Variants in LIG1 observed in about 807,000 individuals in gnomAD.
LIG1 encodes DNA ligase 1.
LIG1 carries 70 observed loss-of-function variants against 115.7 expected under a neutral mutation model. That is an observed-to-expected ratio of 0.60 (90% CI 0.50 to 0.74). The LOEUF (loss-of-function observed/expected upper bound fraction) is 0.74, where lower values mean the gene tolerates loss of function less well. Ranked by LOEUF, LIG1 falls within the 30% of genes least tolerant of loss-of-function variation. The probability of loss-of-function intolerance (pLI) is 0.00; values close to 1 mark genes in which losing one functional copy is unlikely to be tolerated. For synonymous variants in LIG1, 487 were observed against 495.3 expected (o/e 0.98, Z 0.22); for missense variants, 1,115 against 1,225.6 (o/e 0.91, Z 1.35).
rs537021137 is a variant in LIG1 at position 48,137,358 on chromosome 19, C to T, written c.1254+164G>A. Reference sequence around the variant, plus strand: ...GGTCTGCTAGACTCTGAAGAGGAGACTCCCCTAGGATTGGGTGCAGGAAGG... The same window carrying T: ...GGTCTGCTAGACTCTGAAGAGGAGATTCCCCTAGGATTGGGTGCAGGAAGG... On this transcript the variant is annotated intron_variant, in intron 13 of 27. Transcript: ENST00000263274. This position sits in a 1 kb window ranked among gnomAD's most constrained non-coding sequence, Gnocchi z 4.3. Among the ~76,000 whole-genome samples, 3 of 152,344 alleles carry T rather than the reference C, an allele frequency of 2.0e-5. No homozygotes were observed. The highest frequency in any genetic ancestry group is 4.1e-4 in the South Asian group (2 of 4,830).
chr19:48,152,141 G>A (rs1304418517), intron 6 of LIG1, among the ~76,000 whole-genome samples: 1 of 149,132 alleles, frequency 6.7e-6, no homozygotes, highest in Admixed American at 6.6e-5. Flanking sequence ...TTTTTTTTTT[G>A]AGACACAGTC....
chr19:48,155,187 C>A (rs1381336139), intron 5 of LIG1, among the ~76,000 whole-genome samples: 1 of 152,136 alleles, frequency 6.6e-6, no homozygotes, highest in Non-Finnish European at 1.5e-5. Flanking sequence ...GAACCTGCCT[C>A]CCCACCTCAC....
intron 26 of LIG1, 170 bp from the exon 27 acceptor site, chr19:48,116,135 G>GT: frequency 1.6e-6 from 1 of 643,056 alleles, no homozygotes; most frequent in South Asian, 1.7e-5. Flanking sequence ...CCCGGGCACA[G>GT]TAAGTGCTCA....
chr19:48,163,944 CA>C (rs36027045), intron 2 of LIG1, among the ~76,000 whole-genome samples: 36,660 of 83,384 alleles, frequency 0.44, 3,859 homozygotes, highest in East Asian at 0.59. Flanking sequence ...GACTCTGTCT[CA>C]AAAAAAAAAA....
chr19:48,165,720 A>C (rs1599892139), intron 1 of LIG1, 97 bp from the exon 2 acceptor site: 4 of 967,546 alleles, frequency 4.1e-6, no homozygotes, highest in Non-Finnish European at 4.8e-6. Flanking sequence ...AAAAAAAAAA[A>C]CAGAAACATG....
At chr19:48,117,032 C>G (rs559551570) in intron 26 of LIG1, among the ~76,000 whole-genome samples, 16 of 152,284 alleles carry the variant, frequency 1.1e-4, no homozygotes, top group Middle Eastern at 3.4e-3. Context: ...TGGGGTTTCA[C>G]CGTGTTGGTC....
intron 9 of LIG1, among the ~76,000 whole-genome samples, chr19:48,145,067 C>T (rs148069296): frequency 1.1e-4 from 17 of 152,328 alleles, no homozygotes; most frequent in African/African-American, 3.6e-4. Context: ...GCAACCATGC[C>T]CGACTGATCT....
At chr19:48,127,528 C>T (rs1041281194) in intron 20 of LIG1, 180 bp from the exon 21 acceptor site, 57 of 639,014 alleles carry the variant, frequency 8.9e-5, no homozygotes, top group Non-Finnish European at 1.5e-4. Flanking sequence ...CAGCTAATTC[C>T]GACAACCTCA....
chr19:48,151,321 T>C lies in LIG1; in HGVS notation c.485A>G (p.Glu162Gly), dbSNP rs560133595. The C allele has an allele frequency of 6.2e-6, 10 of 1,611,250 alleles. No homozygotes were observed. In the South Asian group the frequency reaches 8.8e-5, roughly 14 times the overall value. ...GGCCACTTCAGCCTCTGTGAGGCTT[T>C]CTTTCGGGGTCTCCTCTTCTGACGA... Reference protein sequence around the residue: ...KEEEEEETPKESLTEAEVATE... With the variant: ...KEEEEEETPKGSLTEAEVATE... The change falls in exon 7 of 28, where the codon GAA (glutamate) becomes GGA (glycine). Residue 162 changes from glutamate to glycine, a missense_variant. Glu to Gly is a moderately conservative substitution (Grantham distance 98). Coordinates refer to ENST00000263274, the MANE Select transcript of LIG1 (RefSeq NM_000234.3).
chr19:48,135,069 T>C (rs954082562), intron 16 of LIG1, among the ~76,000 whole-genome samples: 9 of 152,208 alleles, frequency 5.9e-5, no homozygotes, highest in Non-Finnish European at 7.3e-5. Context: ...TCTGGGTCCC[T>C]TAAGGCCTTT....
chr19:48,170,291 A>G lies in LIG1; in HGVS notation c.-108T>C, dbSNP rs1310468475. On this transcript the variant is annotated 5_prime_UTR_variant, in exon 1 of 28. Coordinates refer to ENST00000263274, the MANE Select transcript of LIG1 (RefSeq NM_000234.3). Reference sequence around the variant, plus strand: ...CCCGGGCAACACACTCAGATCCGCCAGGCGCGCCTCTGCAGTCCCAAGTTC... The same window carrying G: ...CCCGGGCAACACACTCAGATCCGCCGGGCGCGCCTCTGCAGTCCCAAGTTC... 2.2e-6 allele frequency: 1 copy of G among 454,060 alleles called. No individual in the cohort carries two copies. Among genetic ancestry groups the G allele is most frequent in the Admixed American group, 2.4e-5 (1 of 42,490 alleles). The allele number at this position is 454,060 out of a possible 1,614,324, so 28.1% of individuals were successfully genotyped here. A position where few individuals can be genotyped will look rare whatever the true frequency, so the allele number is the denominator to read the frequency against.
At chr19:48,166,961 A>AC in intron 1 of LIG1, among the ~76,000 whole-genome samples, 1 of 64,720 alleles carries the variant, frequency 1.5e-5, no homozygotes, top group African/African-American at 4.1e-5. Context: ...CTCTGTCTCA[A>AC]AAAAAAAAAA....
chr19:48,158,586 T>G (rs2035990605), intron 4 of LIG1, among the ~76,000 whole-genome samples: 1 of 152,218 alleles, frequency 6.6e-6, no homozygotes, highest in Non-Finnish European at 1.5e-5. Context: ...GGACCGGGAC[T>G]CCACAAATCT....
At chr19:48,132,194 G>A (rs2034069635) in intron 18 of LIG1, among the ~76,000 whole-genome samples, 1 of 152,066 alleles carries the variant, frequency 6.6e-6, no homozygotes, top group Non-Finnish European at 1.5e-5. Context: ...CCCGAGCCCT[G>A]TGGCTCCCAC....
chr19:48,145,213 G>T (rs112919836), intron 9 of LIG1, among the ~76,000 whole-genome samples: 8 of 152,052 alleles, frequency 5.3e-5, no homozygotes, highest in Non-Finnish European at 1.2e-4. Flanking sequence ...CCTTTATATC[G>T]TAAGTAGCTC....
intron 4 of LIG1, among the ~76,000 whole-genome samples, chr19:48,157,946 G>C (rs536713775): frequency 6.6e-6 from 1 of 152,168 alleles, no homozygotes; most frequent in Non-Finnish European, 1.5e-5. Context: ...TTCAGGTCAC[G>C]TGGGCAGATC....
chr19:48,136,999 C>T lies in LIG1; in HGVS notation c.1331+9G>A. 1 of 1,608,816 alleles carries T rather than the reference C, an allele frequency of 6.2e-7. No homozygotes were observed. The highest frequency in any genetic ancestry group is 8.5e-7 in the Non-Finnish European group (1 of 1,177,372). On this transcript the variant is annotated intron_variant, in intron 14 of 27. Coordinates refer to ENST00000263274, the MANE Select transcript of LIG1 (RefSeq NM_000234.3). ...CCCCCTCTGTAGCCTCACAGGCCCA[C>T]ACGCTTACCTAGCGATGAACCGGGC... is the stretch of plus-strand genomic sequence containing the variant.
chr19:48,135,560 C>T (rs370677948), intron 16 of LIG1, 120 bp downstream of exon 16: 17 of 822,318 alleles, frequency 2.1e-5, no homozygotes, highest in East Asian at 1.5e-4. Context: ...ACCCCGTGAC[C>T]GGCACTCGTG....
At position 48,127,959 on chromosome 19, in the gene LIG1, T is replaced by C. The variant is rs2033780075; in HGVS notation, c.1883A>G (p.Glu628Gly). The stretch of plus-strand genomic sequence containing the variant: ...TTGGAATGGCTGGATCTGCTTCTTT[T>C]CCCGGTCCCAAGCCACGGCTTCGGT... ...LDTEAVAWDR[E>G]KKQIQPFQVL... Residue 628 changes from glutamate to glycine, a missense_variant, in exon 20 of 28, where the codon GAA becomes GGA. Transcript: ENST00000263274. The C allele has an allele frequency of 6.2e-7, 1 of 1,614,048 alleles. No individual in the cohort carries two copies. The highest frequency in any genetic ancestry group is 1.3e-5 in the African/African-American group (1 of 74,892).
Sources: gnomAD v4.1 joint callset for allele counts (sites outside exome capture counted in the v4.1 genomes callset) on GRCh38, gnomAD v4.1.1 for gene constraint, Gnocchi (gnomAD v3.1) non-coding constraint, MANE v1.5 for transcripts, NCBI Gene and HGNC (gene_info 2026-07-23, HGNC 2026-07-21) for gene names.